ATXN1: variants seen among roughly 807,000 people sequenced by gnomAD.
ATXN1 encodes the protein ataxin-1.
In ATXN1, 8 loss-of-function variants were observed where a neutral mutation model predicts 56.4. The ratio of observed to expected loss-of-function variants is 0.14; its 90% CI spans 0.08 to 0.26. The LOEUF (loss-of-function observed/expected upper bound fraction) is 0.26, where lower values mean the gene tolerates loss of function less well. ATXN1 is among the 10% of genes least tolerant of loss of function. The pLI, the probability that ATXN1 is intolerant of heterozygous loss-of-function variation, is 1.00. For missense variants in ATXN1, 987 were observed against 1,106.5 expected (o/e 0.89, Z 1.53); for synonymous variants, 514 against 494.6 (o/e 1.04, Z -0.52).
chr6:16,612,624 G>A (rs1763130036), intron 3 of ATXN1, among the ~76,000 whole-genome samples: 1 of 152,098 alleles, frequency 6.6e-6, no homozygotes, highest in Non-Finnish European at 1.5e-5. Context: ...GGACACGGTG[G>A]CTCACACCTT....
intron 5 of ATXN1, among the ~76,000 whole-genome samples, chr6:16,517,425 G>A (rs1581815280): frequency 6.6e-6 from 1 of 152,138 alleles, no homozygotes; most frequent in Admixed American, 6.5e-5. Context: ...AGGTTGTTGT[G>A]AGAATTACAC....
chr6:16,379,525 T>A (rs1414056474), intron 6 of ATXN1, among the ~76,000 whole-genome samples: 1 of 152,238 alleles, frequency 6.6e-6, no homozygotes, highest in Non-Finnish European at 1.5e-5. Flanking sequence ...TATTCCTTTG[T>A]GTCCTCCATG....
chr6:16,432,218 G>T (rs1759298962), intron 6 of ATXN1, among the ~76,000 whole-genome samples: 1 of 152,140 alleles, frequency 6.6e-6, no homozygotes, highest in Non-Finnish European at 1.5e-5. Context: ...AAACCGCATG[G>T]AAAATCACAA....
chr6:16,330,490 A>G (rs1273655158), intron 6 of ATXN1, among the ~76,000 whole-genome samples: 1 of 150,858 alleles, frequency 6.6e-6, no homozygotes, highest in Non-Finnish European at 1.5e-5. Context: ...CCTGGGCTCA[A>G]GTGATCCTCC....
intron 2 of ATXN1, chr6:16,738,109 A>C (rs1184524436): frequency 6.6e-6 from 1 of 152,238 alleles, no homozygotes; most frequent in Non-Finnish European, 1.5e-5. Context: ...ACAGGCCACG[A>C]AGAGCCAAAA....
chr6:16,632,841 A>G (rs747527098), intron 3 of ATXN1, among the ~76,000 whole-genome samples: 6 of 151,912 alleles, frequency 3.9e-5, no homozygotes, highest in Non-Finnish European at 7.4e-5. Flanking sequence ...CTAATAACAC[A>G]AAAAAATTAG....
At chr6:16,736,998 G>A (rs1417082682) in intron 2 of ATXN1, 1 of 152,156 alleles carries the variant, frequency 6.6e-6, no homozygotes, top group African/African-American at 2.4e-5. Context: ...ACCTGGATTT[G>A]CTTTCCTGTT....
intron 3 of ATXN1, among the ~76,000 whole-genome samples, chr6:16,600,394 T>C (rs1762891491): frequency 6.6e-6 from 1 of 152,216 alleles, no homozygotes; most frequent in Non-Finnish European, 1.5e-5. Context: ...CATAACTTTT[T>C]TTGAAAATTT....
intron 7 of ATXN1, among the ~76,000 whole-genome samples, chr6:16,313,996 G>A (rs752905874): frequency 1.5e-4 from 23 of 152,168 alleles, no homozygotes; most frequent in African/African-American, 4.6e-4. Context: ...GTCACCCTGC[G>A]AAAAGATGCC....
chr6:16,468,286 C>T (rs1162569579), intron 6 of ATXN1, among the ~76,000 whole-genome samples: 4 of 152,274 alleles, frequency 2.6e-5, no homozygotes, highest in South Asian at 2.1e-4. Context: ...CCCAGGTTCA[C>T]GCCATTCTCC....
rs1052832577 is a variant in ATXN1 at position 16,531,107 on chromosome 6, T to A, written c.-360-8419A>T. Among the ~76,000 whole-genome samples, 7 of 152,322 alleles carry A rather than the reference T, an allele frequency of 4.6e-5. No individual in the cohort carries two copies. The East Asian group carries it at 1.3e-3, about 29-fold the overall frequency. ...AATTCCCAAATTGGCAATCACTGCCTTAGCAAAGCTGCATCTCTGACCTGG... is the reference window on the plus strand; with the variant it reads ...AATTCCCAAATTGGCAATCACTGCCATAGCAAAGCTGCATCTCTGACCTGG... On this transcript the variant is annotated intron_variant, in intron 4 of 7. Transcript: ENST00000436367.
intron 2 of ATXN1, among the ~76,000 whole-genome samples, chr6:16,710,517 C>G (rs777103778): frequency 3.3e-5 from 5 of 152,118 alleles, no homozygotes; most frequent in Non-Finnish European, 7.4e-5. Context: ...AGGACTCACG[C>G]TATCTGTTTT....
In ATXN1 at chr6:16,735,184, G is replaced by A. The variant is rs114190550; in HGVS notation, c.-615+18049C>T. ...GTGACCTTGGGCAAGCTACTAACCCGGTTACCTCATCTGTAAGGTGGAGAT... is the reference window on the plus strand; with the variant it reads ...GTGACCTTGGGCAAGCTACTAACCCAGTTACCTCATCTGTAAGGTGGAGAT... On this transcript the variant is annotated intron_variant, in intron 2 of 7. Transcript: ENST00000436367. 3.0e-3 allele frequency among the ~76,000 whole-genome samples: 462 copies of A among 152,222 alleles called. 4 individuals are homozygous for A. The highest frequency in any genetic ancestry group is 0.011 in the African/African-American group (445 of 41,542).
At chr6:16,583,236 C>A (rs141931702) in intron 4 of ATXN1, among the ~76,000 whole-genome samples, 1 of 152,166 alleles carries the variant, frequency 6.6e-6, no homozygotes, top group South Asian at 2.1e-4. Flanking sequence ...AGGGCCAAAA[C>A]GAATGCAGCG....
chr6:16,360,863 C>A (rs1469207735), intron 6 of ATXN1, among the ~76,000 whole-genome samples: 1 of 152,216 alleles, frequency 6.6e-6, no homozygotes, highest in Non-Finnish European at 1.5e-5. Context: ...CAATACACCA[C>A]TGGGGTCTTT....
At chr6:16,751,198 A>T (rs1760709230) in intron 2 of ATXN1, among the ~76,000 whole-genome samples, 1 of 152,012 alleles carries the variant, frequency 6.6e-6, no homozygotes, top group Non-Finnish European at 1.5e-5. Context: ...CAAACTCCTG[A>T]CCTCAAGTGA....
At position 16,738,639 on chromosome 6, in the gene ATXN1, T is replaced by C. The variant is rs1257947824; in HGVS notation, c.-615+14594A>G. On this transcript the variant is annotated intron_variant, in intron 2 of 7. Coordinates refer to ENST00000436367, the MANE Select transcript of ATXN1 (RefSeq NM_001128164.2). Reference sequence around the variant, plus strand: ...TGACTGAATTATTTATAGTTGCAAATGGCTTCATAATACCAACCTAGTATT... The same window carrying C: ...TGACTGAATTATTTATAGTTGCAAACGGCTTCATAATACCAACCTAGTATT... 4.6e-5 allele frequency: 7 copies of C among 152,240 alleles called. No homozygotes were observed. In the South Asian group the frequency reaches 1.0e-3, roughly 23 times the overall value. 9.4% of individuals were successfully genotyped at this position (152,240 alleles called of 1,614,324 possible). A position where few individuals can be genotyped will look rare whatever the true frequency, so the allele number is the denominator to read the frequency against.
rs74930178 is a variant in ATXN1, at chr6:16,496,702, C to T, written c.-298-10593G>A. On this transcript the variant is annotated intron_variant, in intron 5 of 7. Coordinates refer to ENST00000436367, the MANE Select transcript of ATXN1 (RefSeq NM_001128164.2). ...AAACTCAGTTAAAATACCTGATGAT[C>T]GCGTTTCATTAAAAACCCCAAGGAA... 7.6e-3 allele frequency among the ~76,000 whole-genome samples: 1,152 copies of T among 152,290 alleles called. 17 individuals carry two copies. The highest frequency in any genetic ancestry group is 0.026 in the African/African-American group (1,070 of 41,560).
chr6:16,501,104 CGTGA>C (rs1561728390), intron 5 of ATXN1, among the ~76,000 whole-genome samples: 1 of 152,186 alleles, frequency 6.6e-6, no homozygotes, highest in Non-Finnish European at 1.5e-5. Flanking sequence ...TGTGCATGTG[CGTGA>C]GTGTGCACAT....
Sources: gnomAD v4.1 joint callset for allele counts (sites outside exome capture counted in the v4.1 genomes callset) on GRCh38, gnomAD v4.1.1 for gene constraint, MANE v1.5 for transcripts, NCBI Gene and HGNC (gene_info 2026-07-23, HGNC 2026-07-21) for gene names.